Variants in BRINP3 observed in about 807,000 individuals in gnomAD.
BRINP3 encodes BMP/retinoic acid inducible neural specific 3.
A neutral mutation model predicts 71.0 loss-of-function variants in BRINP3; 19 were observed. The observed-to-expected ratio is 0.27, with a 90% CI of 0.19 to 0.39. BRINP3 has a LOEUF of 0.39. BRINP3 is among the 10% of genes least tolerant of loss of function. BRINP3 has a pLI of 1.00. For missense variants in BRINP3, 959 were observed against 940.8 expected (o/e 1.02, Z -0.25); for synonymous variants, 380 against 337.7 (o/e 1.13, Z -1.37).
chr1:190,257,089 C>T (rs989440382), intron 4 of BRINP3, among the ~76,000 whole-genome samples: 6 of 152,188 alleles, frequency 3.9e-5, no homozygotes, highest in African/African-American at 1.4e-4. Context: ...TGTTTTCCAA[C>T]TTGGTTCCAT....
At chr1:190,399,245 A>G (rs1420615100) in intron 2 of BRINP3, among the ~76,000 whole-genome samples, 1 of 151,740 alleles carries the variant, frequency 6.6e-6, no homozygotes, top group Non-Finnish European at 1.5e-5. Flanking sequence ...ACAAATATCC[A>G]CCTCCCCCAA....
intron 2 of BRINP3, among the ~76,000 whole-genome samples, chr1:190,301,215 A>ATATATATATATG (rs1178043691): frequency 6.4e-5 from 4 of 62,422 alleles, no homozygotes; most frequent in Non-Finnish European, 1.5e-4. Context: ...ATATATATAT[A>ATATATATATATG]TATATATATA....
chr1:190,341,630 T>TATC (rs1667661138), intron 2 of BRINP3, among the ~76,000 whole-genome samples: 1 of 151,824 alleles, frequency 6.6e-6, no homozygotes, highest in South Asian at 2.1e-4. Flanking sequence ...TTCAAAGAGT[T>TATC]ATCTTTTGAC....
intron 2 of BRINP3, among the ~76,000 whole-genome samples, chr1:190,380,635 A>G (rs1343871894): frequency 6.6e-6 from 1 of 152,190 alleles, no homozygotes; most frequent in Non-Finnish European, 1.5e-5. Flanking sequence ...TAGATCCATT[A>G]TGATCAGTAA....
At chr1:190,316,654 AG>A (rs1376490198) in intron 2 of BRINP3, among the ~76,000 whole-genome samples, 1 of 152,128 alleles carries the variant, frequency 6.6e-6, no homozygotes, top group Admixed American at 6.6e-5. Context: ...ATAATGCATA[AG>A]GGTTGCAGAG....
At chr1:190,450,469 G>A (rs1447908445) in intron 2 of BRINP3, among the ~76,000 whole-genome samples, 1 of 152,004 alleles carries the variant, frequency 6.6e-6, no homozygotes, top group Non-Finnish European at 1.5e-5. Context: ...TATTTTAATA[G>A]GAAGTTTGAA....
At chr1:190,210,482 C>A (rs1220725537) in intron 6 of BRINP3, among the ~76,000 whole-genome samples, 1 of 152,130 alleles carries the variant, frequency 6.6e-6, no homozygotes, top group East Asian at 1.9e-4. Flanking sequence ...CAAACAGGCA[C>A]ATTTATAATG....
At position 190,234,376 on chromosome 1, in the gene BRINP3, C is replaced by G. The variant is rs537969552; in HGVS notation, c.720G>C (p.Leu240Phe). 1.4e-5 allele frequency: 23 copies of G among 1,605,688 alleles called. No homozygotes were observed. Among genetic ancestry groups the G allele is most frequent in the Admixed American group, 1.2e-4 (7 of 59,560 alleles). Residue 240 changes from leucine to phenylalanine, a missense_variant, in exon 5 of 8, where the codon TTG becomes TTC. By Grantham distance (22) the Leu-to-Phe change is conservative. Transcript: ENST00000367462. Reference sequence around the variant, plus strand: ...AATGAAATTTTACCAACATACCTTGCAACTGAATCTTATTCTCAGGACTCT... The same window carrying G: ...AATGAAATTTTACCAACATACCTTGGAACTGAATCTTATTCTCAGGACTCT... Reference protein sequence around the residue: ...LVQSPENKIQLQGLQVLLPDY... With the variant: ...LVQSPENKIQFQGLQVLLPDY...
chr1:190,245,872 C>A (rs1015714052), intron 4 of BRINP3, among the ~76,000 whole-genome samples: 22 of 150,866 alleles, frequency 1.5e-4, no homozygotes, highest in Non-Finnish European at 1.5e-4. Context: ...TTTGTCCTTG[C>A]GATAGTTTGC....
intron 2 of BRINP3, among the ~76,000 whole-genome samples, chr1:190,305,384 A>G (rs1200322169): frequency 1.3e-5 from 2 of 151,844 alleles, no homozygotes; most frequent in Non-Finnish European, 2.9e-5. Flanking sequence ...GAATAAAGAC[A>G]GTATGGCATT....
chr1:190,140,467 T>C (rs1655341399), intron 7 of BRINP3, among the ~76,000 whole-genome samples: 2 of 152,116 alleles, frequency 1.3e-5, no homozygotes, highest in South Asian at 4.1e-4. Flanking sequence ...TGTATGAAAA[T>C]GTGCCACACA....
chr1:190,212,232 C>T lies in BRINP3; in HGVS notation c.961+13850G>A, dbSNP rs372728636. On this transcript the variant is annotated intron_variant, in intron 6 of 7. Coordinates refer to ENST00000367462, the MANE Select transcript of BRINP3 (RefSeq NM_199051.3). ...ATATGACTGTTAATTTAGAATTAGA[C>T]TTTTATATCCAGTTCATCAAGTCTA... Among the ~76,000 whole-genome samples, 491 of 152,162 alleles carry T rather than the reference C, an allele frequency of 3.2e-3. 1 individual carries two copies. Among genetic ancestry groups the T allele is most frequent in the African/African-American group, 0.011 (472 of 41,548 alleles).
At chr1:190,375,455 T>A (rs1670124354) in intron 2 of BRINP3, among the ~76,000 whole-genome samples, 1 of 151,856 alleles carries the variant, frequency 6.6e-6, no homozygotes, top group Admixed American at 6.6e-5. Flanking sequence ...AAAATATATG[T>A]TTATCCCCAA....
chr1:190,210,281 C>A (rs1655871557), intron 6 of BRINP3, among the ~76,000 whole-genome samples: 1 of 151,992 alleles, frequency 6.6e-6, no homozygotes, highest in Non-Finnish European at 1.5e-5. Flanking sequence ...AGTAAAAATT[C>A]TCTGAATATA....
chr1:190,335,671 C>T (rs1353534944), intron 2 of BRINP3, among the ~76,000 whole-genome samples: 3 of 151,498 alleles, frequency 2.0e-5, no homozygotes, highest in Non-Finnish European at 2.9e-5. Flanking sequence ...GAATATTTTT[C>T]AAAAAACCTC....
In BRINP3 at chr1:190,098,690, C is replaced by T. The variant is rs983592772; in HGVS notation, c.1629G>A (p.Lys543=). The change falls in exon 8 of 8, where the codon AAG becomes AAA. Residue 543 remains lysine (K), a synonymous_variant. Coordinates refer to ENST00000367462, the MANE Select transcript of BRINP3 (RefSeq NM_199051.3). ...CCAAAATCATATGGACCAGACTTGA[C>T]TTGTACTTATTGCTCTTCAAGGTGA... is the stretch of plus-strand genomic sequence containing the variant. ...MLLTLKSNKY[K]SSLVHMILGL... The T allele has an allele frequency of 6.8e-6, 11 of 1,614,064 alleles. No homozygotes were observed. The highest frequency in any genetic ancestry group is 1.7e-5 in the Admixed American group (1 of 60,000).
intron 7 of BRINP3, among the ~76,000 whole-genome samples, chr1:190,105,499 A>T (rs931183241): frequency 6.6e-6 from 1 of 152,000 alleles, no homozygotes; most frequent in African/African-American, 2.4e-5. Flanking sequence ...CATTTTCACA[A>T]CTCTCACTAC....
intron 2 of BRINP3, among the ~76,000 whole-genome samples, chr1:190,340,463 A>C (rs999163970): frequency 3.3e-5 from 5 of 151,828 alleles, no homozygotes; most frequent in Non-Finnish European, 7.4e-5. Context: ...TGATTGATTT[A>C]TCTCTCCATG....
chr1:190,123,121 T>C (rs1261914620), intron 7 of BRINP3, among the ~76,000 whole-genome samples: 2 of 152,172 alleles, frequency 1.3e-5, no homozygotes, highest in South Asian at 2.1e-4. Context: ...ACCTGTATAA[T>C]TGTTCGCCCC....
Sources: gnomAD v4.1 joint callset for allele counts (sites outside exome capture counted in the v4.1 genomes callset) on GRCh38, gnomAD v4.1.1 for gene constraint, MANE v1.5 for transcripts, NCBI Gene and HGNC (gene_info 2026-07-23, HGNC 2026-07-21) for gene names.